FILIP1L: variants seen among roughly 807,000 people sequenced by gnomAD.
FILIP1L encodes filamin A interacting protein 1 like.
A neutral mutation model predicts 96.6 loss-of-function variants in FILIP1L; 55 were observed. That is an observed-to-expected ratio of 0.57 (90% CI 0.46 to 0.71). The LOEUF is 0.71. FILIP1L is among the 30% of genes least tolerant of loss of function. The probability of loss-of-function intolerance (pLI) is 0.00; values close to 1 mark genes in which losing one functional copy is unlikely to be tolerated. For missense variants in FILIP1L, 1,304 were observed against 1,321.2 expected, an observed-to-expected ratio of 0.99 and a Z score of 0.20; for synonymous variants, 467 against 473.9, an observed-to-expected ratio of 0.99 and a Z score of 0.19.
intron 1 of FILIP1L, among the ~76,000 whole-genome samples, chr3:100,018,735 CAAAAA>C (rs61527233): frequency 8.3e-6 from 1 of 120,230 alleles, no homozygotes; most frequent in Non-Finnish European, 1.8e-5. Flanking sequence ...TTCCGCATAG[CAAAAA>C]AAAAAAAAAA....
At chr3:99,968,441 A>G (rs1708719949) in intron 1 of FILIP1L, among the ~76,000 whole-genome samples, 1 of 152,060 alleles carries the variant, frequency 6.6e-6, no homozygotes, top group Non-Finnish European at 1.5e-5. Context: ...AAAAAAAAAA[A>G]AAGACTGAAT....
chr3:99,934,370 G>A (rs948228841), intron 1 of FILIP1L, among the ~76,000 whole-genome samples: 4 of 152,190 alleles, frequency 2.6e-5, no homozygotes, highest in African/African-American at 7.2e-5. Context: ...AAAGAGGAGC[G>A]AAATATATTT....
At chr3:99,859,889 C>CT (rs1260430979) in intron 4 of FILIP1L, among the ~76,000 whole-genome samples, 2 of 152,138 alleles carry the variant, frequency 1.3e-5, no homozygotes, top group Admixed American at 1.3e-4. Flanking sequence ...TGTGACCCGT[C>CT]TTTTTTATTC....
At chr3:100,071,182 T>G (rs2065757603) in intron 1 of FILIP1L, among the ~76,000 whole-genome samples, 1 of 150,586 alleles carries the variant, frequency 6.6e-6, no homozygotes, top group South Asian at 2.1e-4. Context: ...CATATCACTG[T>G]CAATTTATGC....
intron 1 of FILIP1L, among the ~76,000 whole-genome samples, chr3:100,095,246 C>A (rs561089685): frequency 2.0e-5 from 3 of 152,186 alleles, no homozygotes; most frequent in African/African-American, 7.2e-5. Context: ...AATTTTAGAT[C>A]ATCTTGCCTA....
chr3:99,874,000 C>T (rs779256415), intron 4 of FILIP1L, among the ~76,000 whole-genome samples: 2 of 152,208 alleles, frequency 1.3e-5, no homozygotes, highest in Non-Finnish European at 2.9e-5. Flanking sequence ...AGAAATTGCT[C>T]ATCCAAAGAG....
chr3:100,106,219 A>C, intron 1 of FILIP1L, among the ~76,000 whole-genome samples: 1 of 152,280 alleles, frequency 6.6e-6, no homozygotes. Flanking sequence ...TACAGCCAGG[A>C]TACCATTATG....
intron 1 of FILIP1L, among the ~76,000 whole-genome samples, chr3:100,028,756 C>T (rs2064971351): frequency 6.6e-6 from 1 of 152,052 alleles, no homozygotes; most frequent in Non-Finnish European, 1.5e-5. Flanking sequence ...TAGCACATTT[C>T]CAAGAGTCAG....
At chr3:100,084,517 C>T (rs1367651950) in intron 1 of FILIP1L, among the ~76,000 whole-genome samples, 1 of 152,122 alleles carries the variant, frequency 6.6e-6, no homozygotes, top group Non-Finnish European at 1.5e-5. Context: ...TTAAAAGGAA[C>T]AGCCACTAAA....
chr3:99,850,901 TC>T lies in FILIP1L; in HGVS notation c.774del (p.Ile260SerfsTer4). ...GCATTTGTGGTCAGCTCTTGGATTT[TC>T]TGTCTTTGAAGGGTGAGCTGTGCCG... ...RLTAQLTLQRQKIQELTTNAK... is the reference protein window; with the variant it reads ...RLTAQLTLQRXKIQELTTNAK... On this transcript the variant is annotated frameshift_variant, in exon 5 of 6. Transcript: ENST00000477258. LOFTEE classifies it high-confidence loss of function. 1 of 1,614,192 alleles carries T rather than the reference TC, an allele frequency of 6.2e-7. No homozygotes were observed. Among genetic ancestry groups the T allele is most frequent in the Non-Finnish European group, 8.5e-7 (1 of 1,180,024 alleles).
At chr3:99,869,929 A>G (rs1291638170) in intron 4 of FILIP1L, among the ~76,000 whole-genome samples, 1 of 152,214 alleles carries the variant, frequency 6.6e-6, no homozygotes, top group Admixed American at 6.5e-5. Flanking sequence ...TGCTTTAGAT[A>G]CAGTGATTTG....
chr3:99,916,487 T>G (rs1303389937), intron 4 of FILIP1L, among the ~76,000 whole-genome samples: 1 of 126,432 alleles, frequency 7.9e-6, no homozygotes. Flanking sequence ...CACACACACG[T>G]TCTGTTTCTC....
At chr3:99,874,702 A>G (rs1705421355) in intron 4 of FILIP1L, among the ~76,000 whole-genome samples, 1 of 152,226 alleles carries the variant, frequency 6.6e-6, no homozygotes, top group African/African-American at 2.4e-5. Context: ...AAACCATCCA[A>G]CAGAAATTAT....
chr3:99,863,397 C>T (rs976882676), intron 4 of FILIP1L, among the ~76,000 whole-genome samples: 1 of 152,098 alleles, frequency 6.6e-6, no homozygotes, highest in Non-Finnish European at 1.5e-5. Flanking sequence ...GACTCCTGTA[C>T]GTGGGGACTC....
intron 1 of FILIP1L, among the ~76,000 whole-genome samples, chr3:100,066,247 G>A (rs1382360905): frequency 6.6e-6 from 1 of 152,098 alleles, no homozygotes; most frequent in African/African-American, 2.4e-5. Context: ...CTCTCTGTGG[G>A]ATTCTTTTCT....
intron 1 of FILIP1L, among the ~76,000 whole-genome samples, chr3:100,016,978 TTTAA>T (rs1249518210): frequency 3.3e-5 from 5 of 152,360 alleles, no homozygotes; most frequent in Admixed American, 1.3e-4. Flanking sequence ...TAAGATTTGC[TTTAA>T]TTTTGTTGAA....
chr3:99,849,469 A>G lies in FILIP1L; in HGVS notation c.2207T>C (p.Ile736Thr), dbSNP rs1943548006. 6.2e-7 allele frequency: 1 copy of G among 1,613,814 alleles called. No individual in the cohort carries two copies. The highest frequency in any genetic ancestry group is 8.5e-7 in the Non-Finnish European group (1 of 1,179,968). The change falls in exon 5 of 6, where the codon ATA (isoleucine) becomes ACA (threonine). Residue 736 changes from isoleucine (I) to threonine (T), a missense_variant. By Grantham distance (89) the Ile-to-Thr change is moderately conservative. Coordinates refer to ENST00000477258, the MANE Select transcript of FILIP1L (RefSeq NM_001387850.1). ...IHEYMATEDLICHLQGDHSVL... is the reference protein window; with the variant it reads ...IHEYMATEDLTCHLQGDHSVL... ...TGAGTGATCTCCCTGGAGGTGACAT[A>G]TTAGGTCTTCAGTTGCCATGTATTC...
intron 1 of FILIP1L, among the ~76,000 whole-genome samples, chr3:100,064,413 A>C (rs534008664): frequency 6.6e-6 from 1 of 151,110 alleles, no homozygotes; most frequent in African/African-American, 2.4e-5. Flanking sequence ...TTTTTTTTCA[A>C]CATTAAAGCC....
intron 5 of FILIP1L, among the ~76,000 whole-genome samples, chr3:99,831,058 G>C (rs1262200807): frequency 6.6e-6 from 1 of 152,138 alleles, no homozygotes; most frequent in East Asian, 1.9e-4. Context: ...GATGATTAGT[G>C]GAACAGCTTG....
Sources: gnomAD v4.1 joint callset for allele counts (sites outside exome capture counted in the v4.1 genomes callset) on GRCh38, gnomAD v4.1.1 for gene constraint, MANE v1.5 for transcripts, NCBI Gene and HGNC (gene_info 2026-07-23, HGNC 2026-07-21) for gene names.